ENKUR: variants seen among roughly 807,000 people sequenced by gnomAD.
ENKUR encodes the protein enkurin.
In ENKUR, 19 loss-of-function variants were observed where a neutral mutation model predicts 27.6. That is an observed-to-expected ratio of 0.69 (90% CI 0.48 to 1.01). The LOEUF (loss-of-function observed/expected upper bound fraction) is 1.01, where lower values mean the gene tolerates loss of function less well. ENKUR is among the 50% of genes least tolerant of loss of function. The pLI is 0.00. For missense variants in ENKUR, 312 were observed against 310.5 expected, an observed-to-expected ratio of 1.00 and a Z score of -0.04; for synonymous variants, 117 against 96.9, an observed-to-expected ratio of 1.21 and a Z score of -1.22.
chr10:25,015,524 TTG>T (rs1850547211), intron 1 of ENKUR, among the ~76,000 whole-genome samples: 1 of 152,134 alleles, frequency 6.6e-6, no homozygotes, highest in Non-Finnish European at 1.5e-5. Context: ...GATAATAGAA[TTG>T]TGATTTTTTT....
rs192426860 is a variant in ENKUR at position 25,030,633 on chromosome 10, T to C, written c.37+30479A>G. 1.8e-3 allele frequency among the ~76,000 whole-genome samples: 267 copies of C among 152,336 alleles called. 1 individual carries two copies. Among genetic ancestry groups the C allele is most frequent in the Non-Finnish European group, 4.0e-4 (27 of 68,028 alleles). The stretch of plus-strand genomic sequence containing the variant: ...TACAAGTCTTTGTGCTTGTTTGTTT[T>C]GCTGCTGGAGCACTTTGATGGGCTT... On this transcript the variant is annotated intron_variant, in intron 2 of 5. Transcript: ENST00000615958.
At chr10:25,055,130 A>C (rs1851238476) in intron 2 of ENKUR, among the ~76,000 whole-genome samples, 2 of 152,044 alleles carry the variant, frequency 1.3e-5, no homozygotes, top group Non-Finnish European at 2.9e-5. Context: ...AATATCCTAC[A>C]ATTATGCCAC....
In ENKUR at chr10:24,997,995, G is replaced by A. The variant is rs201858304; in HGVS notation, c.223+1406C>T. ...GGGTCACAACAGGCCAAGACTAGAG[G>A]AAGATACAAAAGAGACTTCTGAAGT... On this transcript the variant is annotated intron_variant, in intron 2 of 5. Coordinates refer to ENST00000331161, the MANE Select transcript of ENKUR (RefSeq NM_145010.4). 3.3e-5 allele frequency among the ~76,000 whole-genome samples: 5 copies of A among 152,214 alleles called. No individual in the cohort carries two copies. In the East Asian group the frequency reaches 9.7e-4, roughly 29 times the overall value.
chr10:25,057,380 T>TAC (rs139515865), intron 2 of ENKUR, among the ~76,000 whole-genome samples: 8,689 of 117,640 alleles, frequency 0.074, 327 homozygotes, highest in Middle Eastern at 0.17. Flanking sequence ...TGCACTTTGG[T>TAC]ACACACACAC....
At chr10:25,024,721 A>T (rs1269598003) in intron 2 of ENKUR, 2 of 1,614,052 alleles carry the variant, frequency 1.2e-6, no homozygotes, top group Non-Finnish European at 1.7e-6. Context: ...TTCTTTTGGA[A>T]GCCCAGTCGA....
intron 3 of ENKUR, among the ~76,000 whole-genome samples, chr10:24,993,192 A>C (rs1237281053): frequency 6.6e-6 from 1 of 152,190 alleles, no homozygotes; most frequent in Non-Finnish European, 1.5e-5. Context: ...TCAGAAAAAA[A>C]ACTCACAAAT....
intron 2 of ENKUR, among the ~76,000 whole-genome samples, chr10:25,053,875 A>G (rs1851216110): frequency 2.0e-5 from 3 of 152,040 alleles, no homozygotes; most frequent in Non-Finnish European, 4.4e-5. Context: ...TGCACCTACC[A>G]CCCAGCTTAA....
chr10:25,019,417 T>A (rs1378790321), upstream of ENKUR, among the ~76,000 whole-genome samples: 1 of 152,160 alleles, frequency 6.6e-6, no homozygotes, highest in Non-Finnish European at 1.5e-5. Flanking sequence ...AAGGCTGTAG[T>A]GAGCCAAGAT....
At chr10:24,999,599 T>C in intron 1 of ENKUR, 53 bp from the exon 2 acceptor site, 1 of 1,424,648 alleles carries the variant, frequency 7.0e-7, no homozygotes. Flanking sequence ...AAAAATTACC[T>C]AAAGTTTACT....
intron 2 of ENKUR, among the ~76,000 whole-genome samples, chr10:25,049,448 T>C (rs1369861827): frequency 6.6e-6 from 1 of 152,184 alleles, no homozygotes; most frequent in East Asian, 1.9e-4. Context: ...GAGATCATCA[T>C]TCTACTAGTT....
At chr10:25,054,734 G>A (rs564291897) in intron 2 of ENKUR, among the ~76,000 whole-genome samples, 3 of 150,100 alleles carry the variant, frequency 2.0e-5, no homozygotes, top group South Asian at 4.2e-4. Context: ...CCAGGCTGGA[G>A]TGCAGTGGTG....
At chr10:25,035,419 G>C (rs763879835) in intron 2 of ENKUR, among the ~76,000 whole-genome samples, 1 of 152,140 alleles carries the variant, frequency 6.6e-6, no homozygotes, top group Non-Finnish European at 1.5e-5. Flanking sequence ...GCTGGGCGTG[G>C]TGGTGCACAC....
At chr10:25,059,197 A>C (rs905311223) in intron 2 of ENKUR, among the ~76,000 whole-genome samples, 2 of 148,404 alleles carry the variant, frequency 1.3e-5, no homozygotes, top group African/African-American at 2.5e-5. Flanking sequence ...CAATGGCGCA[A>C]TCTCTGGTCA....
chr10:25,020,272 A>ATCTATG (rs1354491265), upstream of ENKUR, among the ~76,000 whole-genome samples: 47 of 137,506 alleles, frequency 3.4e-4, no homozygotes, highest in Admixed American at 3.0e-3. Flanking sequence ...CTATATCTAT[A>ATCTATG]TCTATATATA....
chr10:25,019,203 T>C (rs1452264374), upstream of ENKUR, among the ~76,000 whole-genome samples: 2 of 152,220 alleles, frequency 1.3e-5, no homozygotes, highest in Non-Finnish European at 2.9e-5. Flanking sequence ...TTGGGCACAG[T>C]GGCTCATACC....
chr10:25,054,819 G>C (rs1851234730), intron 2 of ENKUR, among the ~76,000 whole-genome samples: 1 of 151,744 alleles, frequency 6.6e-6, no homozygotes, highest in Admixed American at 6.6e-5. Context: ...TGGGACCATA[G>C]GTGCATGCCA....
intron 2 of ENKUR, among the ~76,000 whole-genome samples, chr10:25,042,326 T>C (rs940762724): frequency 3.3e-5 from 5 of 151,010 alleles, no homozygotes; most frequent in Non-Finnish European, 7.4e-5. Flanking sequence ...AGATAGTATG[T>C]CACCCAGGCT....
intron 1 of ENKUR, among the ~76,000 whole-genome samples, chr10:25,004,810 G>T (rs1173174187): frequency 1.3e-5 from 2 of 152,002 alleles, no homozygotes; most frequent in Non-Finnish European, 2.9e-5. Flanking sequence ...ACTGCTTTTG[G>T]CATCTTCATC....
At chr10:25,024,751 A>G (rs772319440) in intron 2 of ENKUR, 14 of 1,614,136 alleles carry the variant, frequency 8.7e-6, no homozygotes, top group Non-Finnish European at 1.2e-5. Context: ...TCCCACAGGA[A>G]ACTTTGGTAA....
Sources: allele counts gnomAD v4.1 joint callset (sites outside exome capture counted in the v4.1 genomes callset), GRCh38; gene constraint gnomAD v4.1.1; transcripts MANE v1.5; gene names NCBI Gene and HGNC (gene_info 2026-07-23, HGNC 2026-07-21).